The following ULK4 variants were observed in gnomAD, a reference collection of about 807,000 sequenced individuals.
The protein encoded by ULK4 is inactive serine/threonine-protein kinase ULK4.
ULK4 carries 133 observed loss-of-function variants against 160.6 expected under a neutral mutation model. The observed-to-expected ratio is 0.83, with a 90% CI of 0.72 to 0.96. ULK4 has a LOEUF of 0.96. Ranked by LOEUF, ULK4 falls within the 40% of genes least tolerant of loss-of-function variation. ULK4 has a pLI of 0.00. For synonymous variants in ULK4, 534 were observed against 539.8 expected (o/e 0.99, Z 0.15); for missense variants, 1,580 against 1,499.5 (o/e 1.05, Z -0.89).
intron 30 of ULK4, among the ~76,000 whole-genome samples, chr3:41,625,819 A>T (rs1160438732): frequency 6.6e-6 from 1 of 152,196 alleles, no homozygotes; most frequent in Non-Finnish European, 1.5e-5. Flanking sequence ...ATTTACCTAA[A>T]TTTTTTTAAA....
intron 18 of ULK4, among the ~76,000 whole-genome samples, chr3:41,822,783 A>G (rs2041189520): frequency 7.2e-6 from 1 of 139,850 alleles, no homozygotes; most frequent in Non-Finnish European, 1.5e-5. Flanking sequence ...GTGCAGTGGC[A>G]ACATCTTGGC....
chr3:41,554,789 C>A (rs905951015), intron 32 of ULK4, among the ~76,000 whole-genome samples: 1 of 152,012 alleles, frequency 6.6e-6, no homozygotes, highest in South Asian at 2.1e-4. Flanking sequence ...TTCTATGTAT[C>A]AAAATATCAC....
In ULK4 at chr3:41,763,360, A is replaced by T. The variant is rs77020955; in HGVS notation, c.2194-8872T>A. 2.4e-3 allele frequency among the ~76,000 whole-genome samples: 369 copies of T among 152,304 alleles called. 1 individual carries two copies. The highest frequency in any genetic ancestry group is 7.9e-3 in the African/African-American group (329 of 41,558). On this transcript the variant is annotated intron_variant, in intron 21 of 36. Coordinates refer to ENST00000301831, the MANE Select transcript of ULK4 (RefSeq NM_017886.4). ...AAAAAACATTTTTAAGGAAAGTGATAAATCAAAATCCTGGCTCTTTGAAAA... is the reference window on the plus strand; with the variant it reads ...AAAAAACATTTTTAAGGAAAGTGATTAATCAAAATCCTGGCTCTTTGAAAA...
At chr3:41,712,838 G>C (rs1302643776) in intron 25 of ULK4, among the ~76,000 whole-genome samples, 1 of 152,020 alleles carries the variant, frequency 6.6e-6, no homozygotes, top group Non-Finnish European at 1.5e-5. Context: ...GTTGCAGTGA[G>C]CCTGATTGTG....
chr3:41,773,309 T>C (rs2039474509), intron 21 of ULK4, among the ~76,000 whole-genome samples: 2 of 152,210 alleles, frequency 1.3e-5, no homozygotes, highest in Non-Finnish European at 2.9e-5. Context: ...CTTGACTGTA[T>C]ATCTAGAAAA....
intron 35 of ULK4, among the ~76,000 whole-genome samples, chr3:41,282,584 A>C (rs913263820): frequency 2.6e-5 from 4 of 152,244 alleles, no homozygotes; most frequent in Admixed American, 6.5e-5. Context: ...TGCTGGGAAA[A>C]CTGGCTAGCC....
At chr3:41,540,383 C>T (rs2086654300) in intron 32 of ULK4, among the ~76,000 whole-genome samples, 1 of 152,162 alleles carries the variant, frequency 6.6e-6, no homozygotes, top group Admixed American at 6.5e-5. Context: ...TTTTTTATGG[C>T]TGCATAGTAT....
intron 32 of ULK4, among the ~76,000 whole-genome samples, chr3:41,494,738 G>T (rs2084923364): frequency 1.3e-5 from 2 of 152,026 alleles, no homozygotes; most frequent in African/African-American, 4.8e-5. Flanking sequence ...AAAGTCTCAG[G>T]ATACAAAATC....
intron 31 of ULK4, among the ~76,000 whole-genome samples, chr3:41,585,676 AT>A (rs2030741565): frequency 2.0e-5 from 3 of 152,200 alleles, no homozygotes; most frequent in Admixed American, 2.0e-4. Flanking sequence ...ATGAGACCAC[AT>A]CAAATTTTAA....
intron 19 of ULK4, among the ~76,000 whole-genome samples, chr3:41,801,113 A>C (rs2040445644): frequency 6.6e-6 from 1 of 152,218 alleles, no homozygotes; most frequent in South Asian, 2.1e-4. Context: ...AAGAAGGAAG[A>C]GGAAAGCAAA....
chr3:41,759,407 A>T (rs969125730), intron 21 of ULK4, among the ~76,000 whole-genome samples: 14 of 152,178 alleles, frequency 9.2e-5, no homozygotes, highest in African/African-American at 3.1e-4. Flanking sequence ...ACAACAACAA[A>T]GAAGTATTGC....
intron 7 of ULK4, among the ~76,000 whole-genome samples, chr3:41,916,445 G>A (rs187355954): frequency 6.6e-6 from 1 of 152,172 alleles, no homozygotes; most frequent in Admixed American, 6.5e-5. Flanking sequence ...GTGGAGTGCA[G>A]TGGCACCATC....
chr3:41,360,852 G>T (rs2081128541), intron 35 of ULK4, among the ~76,000 whole-genome samples: 1 of 151,906 alleles, frequency 6.6e-6, no homozygotes, highest in South Asian at 2.1e-4. Flanking sequence ...GATGATCTGT[G>T]CTACAAACCA....
chr3:41,851,377 G>A (rs571254887), intron 17 of ULK4, among the ~76,000 whole-genome samples: 9 of 152,264 alleles, frequency 5.9e-5, no homozygotes, highest in Non-Finnish European at 7.4e-5. Flanking sequence ...GCTGGATTAC[G>A]TTGATTGATT....
intron 19 of ULK4, among the ~76,000 whole-genome samples, chr3:41,804,996 G>A (rs2040596870): frequency 6.6e-6 from 1 of 152,162 alleles, no homozygotes; most frequent in Admixed American, 6.5e-5. Flanking sequence ...GAAATTTAAA[G>A]TAGTTTTTTC....
chr3:41,457,794 C>T (rs1162335186), intron 33 of ULK4, among the ~76,000 whole-genome samples: 5 of 152,142 alleles, frequency 3.3e-5, no homozygotes, highest in Non-Finnish European at 7.3e-5. Context: ...TGCTTCTGGT[C>T]CCACTGACCC....
rs186250801 is a variant in ULK4, at chr3:41,757,274, A to C, written c.2194-2786T>G. Among the ~76,000 whole-genome samples, 220 of 152,312 alleles carry C rather than the reference A, an allele frequency of 1.4e-3. 1 individual carries two copies. The highest frequency in any genetic ancestry group is 3.9e-3 in the Admixed American group (59 of 15,306). On this transcript the variant is annotated intron_variant, in intron 21 of 36. Coordinates refer to ENST00000301831, the MANE Select transcript of ULK4 (RefSeq NM_017886.4). The stretch of plus-strand genomic sequence containing the variant: ...TAGGAGGCAAGTTTCATATAAAGCT[A>C]TCCATATAAACCTATTTCATATAAA...
chr3:41,383,563 G>A (rs1459989531), intron 35 of ULK4, among the ~76,000 whole-genome samples: 1 of 152,202 alleles, frequency 6.6e-6, no homozygotes, highest in Non-Finnish European at 1.5e-5. Flanking sequence ...GTTGGTGATG[G>A]TCAAAATGAT....
intron 32 of ULK4, among the ~76,000 whole-genome samples, chr3:41,509,926 C>T (rs2085512304): frequency 6.6e-6 from 1 of 152,016 alleles, no homozygotes; most frequent in Admixed American, 6.5e-5. Flanking sequence ...AAAAAAGAAA[C>T]AAGGCATTCA....
Sources: gnomAD v4.1 joint callset for allele counts (sites outside exome capture counted in the v4.1 genomes callset) on GRCh38, gnomAD v4.1.1 for gene constraint, MANE v1.5 for transcripts, NCBI Gene and HGNC (gene_info 2026-07-23, HGNC 2026-07-21) for gene names.